Variants in RTL4 observed in about 807,000 individuals in gnomAD.
RTL4 encodes the protein retrotransposon Gag like 4.
RTL4 carries 4 observed loss-of-function variants against 5.3 expected under a neutral mutation model. The observed-to-expected ratio is 0.75, with a 90% confidence interval of 0.37 to 1.72. The LOEUF (loss-of-function observed/expected upper bound fraction) is 1.72, where lower values mean the gene tolerates loss of function less well. RTL4 is among the 40% of genes most tolerant of loss of function. The pLI, the probability that RTL4 is intolerant of heterozygous loss-of-function variation, is 0.04. For missense variants in RTL4, 260 were observed against 227.1 expected (o/e 1.14, Z -0.93); for synonymous variants, 98 against 87.3 (o/e 1.12, Z -0.68).
At chrX:112,118,008 AAAT>A in the RTL4 span, among the ~76,000 whole-genome samples, 1 of 111,973 alleles carries the variant, frequency 8.9e-6, no homozygotes, top group African/African-American at 3.2e-5. Flanking sequence ...CAGTCATTAA[AAAT>A]AATAATGTAG....
chrX:112,195,123 G>A, the RTL4 span, among the ~76,000 whole-genome samples: 4 of 111,792 alleles, frequency 3.6e-5, no homozygotes, highest in Non-Finnish European at 7.5e-5. Context: ...GAGGCAGAAT[G>A]TGGATGGTCC....
the RTL4 span, among the ~76,000 whole-genome samples, chrX:112,376,213 C>G: frequency 0.32 from 35,185 of 110,596 alleles, 5,540 homozygotes; most frequent in African/African-American, 0.61. Flanking sequence ...AAACTCTGCT[C>G]TAAATGTATG....
the RTL4 span, among the ~76,000 whole-genome samples, chrX:112,421,900 AAC>A: frequency 3.6e-5 from 4 of 112,585 alleles, no homozygotes; most frequent in African/African-American, 1.3e-4. Flanking sequence ...GATGCATTGG[AAC>A]TCTTGATAAG....
chrX:112,113,701 C>G, the RTL4 span, among the ~76,000 whole-genome samples: 6 of 111,815 alleles, frequency 5.4e-5, no homozygotes, highest in Admixed American at 9.5e-5. Context: ...AGTGCGCCTT[C>G]TAGTGATTAC....
chrX:112,319,891 T>G, the RTL4 span: 2 of 112,511 alleles, frequency 1.8e-5, no homozygotes, highest in Non-Finnish European at 3.7e-5. Context: ...TGGTGTTTTG[T>G]GTCTAGCTTC....
chrX:112,403,440 T>C, the RTL4 span, among the ~76,000 whole-genome samples: 5 of 112,096 alleles, frequency 4.5e-5, no homozygotes, highest in Admixed American at 4.7e-4. Flanking sequence ...ACAGAAAGCT[T>C]TGTCTAGTGG....
the RTL4 span, among the ~76,000 whole-genome samples, chrX:112,166,617 T>G: frequency 8.9e-6 from 1 of 111,892 alleles, no homozygotes; most frequent in Non-Finnish European, 1.9e-5. Flanking sequence ...TCTCTTTTAC[T>G]CAGGTTAACT....
the RTL4 span, among the ~76,000 whole-genome samples, chrX:112,378,949 T>C: frequency 5.3e-5 from 6 of 112,599 alleles, no homozygotes; most frequent in African/African-American, 1.9e-4. Context: ...CAACAATTCA[T>C]GTTGACTGAA....
the RTL4 span, among the ~76,000 whole-genome samples, chrX:112,285,617 A>G: frequency 1.8e-5 from 2 of 111,815 alleles, no homozygotes; most frequent in East Asian, 5.6e-4. Flanking sequence ...TATTCATCAT[A>G]TCAGTCTTTA....
chrX:112,390,411 C>T, the RTL4 span, among the ~76,000 whole-genome samples: 1 of 104,784 alleles, frequency 9.5e-6, no homozygotes, highest in East Asian at 3.1e-4. Flanking sequence ...CGGATCATGC[C>T]ACTGCAGTCC....
chrX:112,291,514 G>A, the RTL4 span, among the ~76,000 whole-genome samples: 2 of 110,480 alleles, frequency 1.8e-5, no homozygotes, highest in African/African-American at 6.6e-5. Flanking sequence ...GGGTTCATAG[G>A]TTCATAGGTC....
the RTL4 span, among the ~76,000 whole-genome samples, chrX:112,231,293 T>C: frequency 1.8e-5 from 2 of 110,242 alleles, no homozygotes; most frequent in Non-Finnish European, 3.8e-5. Context: ...TGCGGCACTA[T>C]TCACAATAGC....
chrX:112,150,344 G>A, the RTL4 span, among the ~76,000 whole-genome samples: 5 of 111,673 alleles, frequency 4.5e-5, no homozygotes, highest in Non-Finnish European at 7.5e-5. Context: ...AAAAAACACG[G>A]CAGAGACCTA....
At chrX:112,408,126 C>T in the RTL4 span, among the ~76,000 whole-genome samples, 5 of 111,198 alleles carry the variant, frequency 4.5e-5, no homozygotes, top group African/African-American at 1.6e-4. Flanking sequence ...GACCATCCAT[C>T]GAAACATGAC....
At chrX:112,390,105 TAATATATATATATATATATATATATA>T in the RTL4 span, among the ~76,000 whole-genome samples, 3 of 40,536 alleles carry the variant, frequency 7.4e-5, no homozygotes, top group South Asian at 1.9e-3. Context: ...CATTTATATA[TAATATATATATATATATATATATATA>T]TATATATATA....
chrX:112,367,708 G>A, the RTL4 span, among the ~76,000 whole-genome samples: 3 of 111,789 alleles, frequency 2.7e-5, no homozygotes, highest in Admixed American at 9.5e-5. Flanking sequence ...CCCTGTCATG[G>A]TGGAGATCAC....
chrX:112,187,665 C>T, the RTL4 span, among the ~76,000 whole-genome samples: 1 of 111,776 alleles, frequency 8.9e-6, no homozygotes, highest in African/African-American at 3.3e-5. Context: ...TAACTAAGGA[C>T]AAACCTACCC....
the RTL4 span, among the ~76,000 whole-genome samples, chrX:112,283,257 C>CT: frequency 1.8e-5 from 2 of 111,999 alleles, no homozygotes; most frequent in Non-Finnish European, 3.8e-5. Context: ...TATGCTGCCA[C>CT]TGAATGTTGT....
chrX:112,148,892 G>A, the RTL4 span, among the ~76,000 whole-genome samples: 3 of 111,615 alleles, frequency 2.7e-5, no homozygotes, highest in Non-Finnish European at 3.8e-5. Flanking sequence ...CAGTCCTTTC[G>A]TCTCATCCCA....
Sources: gnomAD v4.1 joint callset for allele counts (sites outside exome capture counted in the v4.1 genomes callset) on GRCh38, gnomAD v4.1.1 for gene constraint, MANE v1.5 for transcripts, NCBI Gene and HGNC (gene_info 2026-07-23, HGNC 2026-07-21) for gene names.